Variants in MAOB observed in about 807,000 individuals in gnomAD.
The protein encoded by MAOB is monoamine oxidase B.
In MAOB, 15 loss-of-function variants were observed where a neutral mutation model predicts 41.9. The ratio of observed to expected loss-of-function variants is 0.36; its 90% CI spans 0.24 to 0.55. The LOEUF (loss-of-function observed/expected upper bound fraction) is 0.55, where lower values mean the gene tolerates loss of function less well. Among genes scored for constraint, MAOB ranks in the 20% least tolerant of loss-of-function variants. MAOB has a pLI of 0.86. For missense variants in MAOB, 345 were observed against 398.7 expected, an observed-to-expected ratio of 0.87 and a Z score of 1.15; for synonymous variants, 167 against 144.2, an observed-to-expected ratio of 1.16 and a Z score of -1.13.
chrX:43,873,652 T>C (rs1195297486), intron 1 of MAOB, among the ~76,000 whole-genome samples: 1 of 111,422 alleles, frequency 9.0e-6, no homozygotes, highest in African/African-American at 3.3e-5. Flanking sequence ...AAACAAAAGG[T>C]TTAAATGACA....
At chrX:43,821,989 T>C (rs2034887824) in intron 3 of MAOB, among the ~76,000 whole-genome samples, 1 of 111,631 alleles carries the variant, frequency 9.0e-6, no homozygotes, top group Admixed American at 9.5e-5. Context: ...GCCCCAGGAG[T>C]GTAACAGAAG....
At chrX:43,780,947 G>A (rs1270645451) in intron 9 of MAOB, among the ~76,000 whole-genome samples, 1 of 111,425 alleles carries the variant, frequency 9.0e-6, no homozygotes, top group Non-Finnish European at 1.9e-5. Flanking sequence ...GATACTCCAG[G>A]TCACCACCTC....
chrX:43,783,237 T>C (rs909995804), intron 8 of MAOB, among the ~76,000 whole-genome samples: 1 of 111,927 alleles, frequency 8.9e-6, no homozygotes. Flanking sequence ...GTATATTTAT[T>C]ATCTGGAGGC....
intron 1 of MAOB, among the ~76,000 whole-genome samples, chrX:43,844,998 C>T (rs893223143): frequency 1.8e-5 from 2 of 112,189 alleles, no homozygotes; most frequent in Non-Finnish European, 3.8e-5. Flanking sequence ...TTCTGGAGAA[C>T]CCTGACTGAT....
At chrX:43,823,645 G>A (rs557733921) in intron 3 of MAOB, among the ~76,000 whole-genome samples, 2 of 111,899 alleles carry the variant, frequency 1.8e-5, no homozygotes, top group African/African-American at 6.5e-5. Context: ...ATAGCTAGGA[G>A]AGAAATTCTT....
intron 1 of MAOB, among the ~76,000 whole-genome samples, chrX:43,879,532 C>T (rs1009270539): frequency 1.8e-5 from 2 of 111,681 alleles, no homozygotes; most frequent in African/African-American, 6.5e-5. Flanking sequence ...ATTTGTAACC[C>T]CAATTTCATT....
At chrX:43,867,236 T>C (rs1019669302) in intron 1 of MAOB, among the ~76,000 whole-genome samples, 10 of 111,669 alleles carry the variant, frequency 9.0e-5, no homozygotes, top group East Asian at 2.8e-4. Context: ...ACCGGAAACA[T>C]TGGTGGCCAA....
intron 3 of MAOB, among the ~76,000 whole-genome samples, chrX:43,820,198 C>T (rs2034864244): frequency 8.9e-6 from 1 of 112,151 alleles, no homozygotes; most frequent in African/African-American, 3.2e-5. Flanking sequence ...AGCTTAAGTA[C>T]AATTCTTAGA....
chrX:43,792,594 T>C (rs1204179755), intron 8 of MAOB, among the ~76,000 whole-genome samples: 1 of 111,908 alleles, frequency 8.9e-6, no homozygotes, highest in African/African-American at 3.2e-5. Flanking sequence ...AAAAGAGCTC[T>C]GCATTACTAA....
chrX:43,857,151 AGAGAGAGAGAG>A (rs1569230920), intron 1 of MAOB, among the ~76,000 whole-genome samples: 27 of 62,425 alleles, frequency 4.3e-4, no homozygotes, highest in African/African-American at 1.8e-3. Context: ...AGAGAGAGAG[AGAGAGAGAGAG>A]AGAAGAAGAG....
intron 1 of MAOB, among the ~76,000 whole-genome samples, chrX:43,867,464 T>C (rs1602035059): frequency 8.9e-6 from 1 of 112,533 alleles, no homozygotes; most frequent in African/African-American, 3.2e-5. Flanking sequence ...GTTTATAGGC[T>C]TTAAACACCT....
intron 3 of MAOB, among the ~76,000 whole-genome samples, chrX:43,834,049 A>T: frequency 8.9e-6 from 1 of 112,180 alleles, no homozygotes; most frequent in Middle Eastern, 4.2e-3. Flanking sequence ...CCTTGAAAAA[A>T]TCTTCCATAA....
chrX:43,806,882 C>G lies in MAOB; in HGVS notation c.280-3478G>C, dbSNP rs1482458372. ...TCTACTTCTGAGCACTCCTTCAGGT[C>G]GGCTCCTGAGTCCCTTTGACATGTC... On this transcript the variant is annotated intron_variant, in intron 3 of 14. Coordinates refer to ENST00000378069, the MANE Select transcript of MAOB (RefSeq NM_000898.5). 3.6e-5 allele frequency among the ~76,000 whole-genome samples: 4 copies of G among 111,318 alleles called. 1 individual carries two copies. The Admixed American group carries it at 3.8e-4, about 11-fold the overall frequency.
At position 43,797,124 on chromosome X, in the gene MAOB, C is replaced by T; in HGVS notation, c.618+1G>A. ...GGGACTGTGGAAGAATGGATGGGTA[C>T]CTGTCCTCCATTTGTTGTCGAGATG... is the stretch of plus-strand genomic sequence containing the variant. On this transcript the variant is annotated splice_donor_variant, in intron 6 of 14. Coordinates refer to ENST00000378069, the MANE Select transcript of MAOB (RefSeq NM_000898.5). LOFTEE classifies it high-confidence loss of function. 3 of 1,204,323 alleles carry T rather than the reference C, an allele frequency of 2.5e-6. No individual in the cohort carries two copies. Among genetic ancestry groups the T allele is most frequent in the Non-Finnish European group, 3.4e-6 (3 of 891,625 alleles).
At chrX:43,851,316 A>G (rs963478307) in intron 1 of MAOB, among the ~76,000 whole-genome samples, 3 of 111,965 alleles carry the variant, frequency 2.7e-5, no homozygotes, top group African/African-American at 9.7e-5. Context: ...TAATTATATG[A>G]TGCCATGATC....
chrX:43,794,331 G>A (rs902767610), intron 7 of MAOB, among the ~76,000 whole-genome samples: 1 of 110,855 alleles, frequency 9.0e-6, no homozygotes, highest in East Asian at 2.9e-4. Flanking sequence ...TTCTCAGTGA[G>A]GCCTTCCCTG....
chrX:43,767,700 A>G, intron 14 of MAOB, 82 bp from the exon 15 acceptor site: 4 of 944,414 alleles, frequency 4.2e-6, no homozygotes, highest in East Asian at 3.2e-5. Flanking sequence ...AGCTCTCTGA[A>G]CATGACCCAT....
chrX:43,814,981 C>A (rs1458679246), intron 3 of MAOB, among the ~76,000 whole-genome samples: 2 of 111,829 alleles, frequency 1.8e-5, no homozygotes, highest in African/African-American at 6.5e-5. Context: ...TCAGTGGAGA[C>A]AGGTTTGAGT....
In MAOB at chrX:43,767,598, G is replaced by A. The variant is rs140262266; in HGVS notation, c.1431C>T (p.Ile477=). 300 of 1,208,508 alleles carry A rather than the reference G, an allele frequency of 2.5e-4. No individual in the cohort carries two copies. Among genetic ancestry groups the A allele is most frequent in the Non-Finnish European group, 1.8e-4 (160 of 894,379 alleles). The change falls in exon 15 of 15, where the codon ATC becomes ATT. Residue 477 remains isoleucine (I), a synonymous_variant. Coordinates refer to ENST00000378069, the MANE Select transcript of MAOB (RefSeq NM_000898.5). ...AATGTCTCTCCAAAAAGGTGGTGGT[G>A]ATGGGCTGTGCAGGGACATCCTAGG... The part of the protein sequence containing the change: ...PESVDVPAQP[I]TTTFLERHLP...
Sources: allele counts gnomAD v4.1 joint callset (sites outside exome capture counted in the v4.1 genomes callset), GRCh38; gene constraint gnomAD v4.1.1; transcripts MANE v1.5; gene names NCBI Gene and HGNC (gene_info 2026-07-23, HGNC 2026-07-21).